CFAP251: variants seen among roughly 807,000 people sequenced by gnomAD.
The protein encoded by CFAP251 is cilia- and flagella-associated protein 251.
Under a neutral mutation model 126.7 loss-of-function variants are expected in CFAP251, and 93 were observed. The ratio of observed to expected loss-of-function variants is 0.73; its 90% CI spans 0.62 to 0.87. CFAP251 has a LOEUF of 0.87. Among genes scored for constraint, CFAP251 ranks in the 40% least tolerant of loss-of-function variants. The pLI is 0.00. For synonymous variants in CFAP251, 503 were observed against 506.9 expected, an observed-to-expected ratio of 0.99 and a Z score of 0.10; for missense variants, 1,287 against 1,389.2, an observed-to-expected ratio of 0.93 and a Z score of 1.17.
At chr12:121,982,956 G>A (rs1342617432) in intron 19 of CFAP251, among the ~76,000 whole-genome samples, 1 of 151,992 alleles carries the variant, frequency 6.6e-6, no homozygotes, top group Non-Finnish European at 1.5e-5. Flanking sequence ...TTAAAAATTG[G>A]GCTAGGCACA....
chr12:121,992,944 G>GCTCTCCCTCTCCCTCTCC (rs1333742324), intron 19 of CFAP251, among the ~76,000 whole-genome samples: 2 of 133,120 alleles, frequency 1.5e-5, no homozygotes, highest in South Asian at 2.4e-4. Context: ...AATCACAAGA[G>GCTCTCCCTCTCCCTCTCC]CTCTCCCTCT....
chr12:121,949,374 C>T (rs1331766575), intron 8 of CFAP251: 1 of 162,980 alleles, frequency 6.1e-6, no homozygotes, highest in African/African-American at 2.4e-5. Flanking sequence ...CTATGTTGCC[C>T]AGGCTGGCCT....
At chr12:121,949,481 G>GTTT (rs35166640) in intron 8 of CFAP251, 45 of 122,980 alleles carry the variant, frequency 3.7e-4, no homozygotes, top group East Asian at 1.4e-3. Flanking sequence ...AATACAGCAG[G>GTTT]TTTTTTTTTT....
intron 19 of CFAP251, among the ~76,000 whole-genome samples, chr12:121,978,360 C>G (rs1289962358): frequency 1.7e-5 from 2 of 117,920 alleles, no homozygotes; most frequent in Admixed American, 9.9e-5. Context: ...TGCCACTGCA[C>G]TCCAGCCTGG....
intron 13 of CFAP251, among the ~76,000 whole-genome samples, 156 bp from the exon 14 acceptor site, chr12:121,960,429 G>C (rs768029376): frequency 6.6e-6 from 1 of 152,112 alleles, no homozygotes; most frequent in African/African-American, 2.4e-5. Flanking sequence ...TATTGGCCAG[G>C]CTGGTCTCAA....
Position 121,946,543 on chromosome 12 carries a change from C to T in CFAP251, c.1192-2441C>T, listed in dbSNP as rs531989754. On this transcript the variant is annotated intron_variant, in intron 7 of 21. Transcript: ENST00000288912. ...ATGTTGTGTGTCTCTCTCCTTGGCC[C>T]CCAGCTGATTTTACAGATTTTTCCC... 7.2e-5 allele frequency among the ~76,000 whole-genome samples: 11 copies of T among 152,212 alleles called. No individual in the cohort carries two copies. In the South Asian group the frequency reaches 2.3e-3, roughly 32 times the overall value.
chr12:122,003,589 C>T, intron 21 of CFAP251, 63 bp from the exon 22 acceptor site: 1 of 1,401,370 alleles, frequency 7.1e-7, no homozygotes, highest in Non-Finnish European at 1.0e-6. Flanking sequence ...CTCCCCTCAC[C>T]CAAAAAAGAA....
rs1450737177 is a variant in CFAP251 at position 121,921,531 on chromosome 12, G to C, written c.226G>C (p.Glu76Gln). Residue 76 changes from glutamate (E) to glutamine (Q), a missense_variant, in exon 2 of 22, where the codon GAA becomes CAA. By Grantham distance (29) the Glu-to-Gln change is conservative. Transcript: ENST00000288912. ...GGAGGACAAAAAGATTGTCATGGAA[G>C]AAACTGAGGAAAAGGCTGGAGAAGT... is the stretch of plus-strand genomic sequence containing the variant. ...GKEDKKIVMEETEEKAGEVQE... is the reference protein window; with the variant it reads ...GKEDKKIVMEQTEEKAGEVQE... The C allele has an allele frequency of 6.2e-7, 1 of 1,606,126 alleles. No individual in the cohort carries two copies. The highest frequency in any genetic ancestry group is 1.1e-5 in the South Asian group (1 of 90,702).
Position 121,921,575 on chromosome 12 carries a change from A to G in CFAP251, c.270A>G (p.Ser90=), listed in dbSNP as rs764951832. Residue 90 remains serine, a synonymous_variant, in exon 2 of 22, where the codon TCA becomes TCG. Coordinates refer to ENST00000288912, the MANE Select transcript of CFAP251 (RefSeq NM_144668.6). ...GAGAAGTCCAAGAGAAGGAGGCTTC[A>G]GGAATACAGGAAGAAACCACAGTAG... ...KAGEVQEKEA[S]GIQEETTVEP... 13 of 1,614,136 alleles carry G rather than the reference A, an allele frequency of 8.1e-6. No individual in the cohort carries two copies. In the South Asian group the frequency reaches 1.4e-4, roughly 18 times the overall value.
At chr12:121,922,177 G>C (rs1259077823) in intron 2 of CFAP251, among the ~76,000 whole-genome samples, 3 of 146,044 alleles carry the variant, frequency 2.1e-5, no homozygotes, top group Non-Finnish European at 4.5e-5. Context: ...GCGTGATCTC[G>C]GCTCACTGCA....
chr12:121,966,125 G>A (rs1253330267), intron 15 of CFAP251, among the ~76,000 whole-genome samples: 1 of 127,940 alleles, frequency 7.8e-6, no homozygotes, highest in Non-Finnish European at 1.7e-5. Flanking sequence ...GAGATTTATG[G>A]AATTTTAAAA....
At chr12:121,954,091 C>T in intron 9 of CFAP251, 29 bp from the exon 10 acceptor site, 1 of 1,566,750 alleles carries the variant, frequency 6.4e-7, no homozygotes, top group East Asian at 2.2e-5. Context: ...TTATTACCAA[C>T]AGTAACTATA....
chr12:122,001,351 C>T, intron 20 of CFAP251, 146 bp from the exon 21 acceptor site: 1 of 725,710 alleles, frequency 1.4e-6, no homozygotes, highest in East Asian at 2.8e-5. Flanking sequence ...CCACCACGCC[C>T]AGCCTAAATT....
chr12:121,957,888 A>C (rs2135781670), intron 11 of CFAP251, among the ~76,000 whole-genome samples: 1 of 152,282 alleles, frequency 6.6e-6, no homozygotes, highest in East Asian at 1.9e-4. Flanking sequence ...GGCACTGGAT[A>C]ATTAATAGCC....
intron 19 of CFAP251, among the ~76,000 whole-genome samples, chr12:121,983,109 C>G (rs896457321): frequency 6.6e-6 from 1 of 152,024 alleles, no homozygotes; most frequent in Non-Finnish European, 1.5e-5. Flanking sequence ...CACTTGTAGT[C>G]CCAGATACTT....
intron 4 of CFAP251, 56 bp downstream of exon 4, chr12:121,931,942 T>C: frequency 7.1e-7 from 1 of 1,405,226 alleles, no homozygotes; most frequent in East Asian, 2.7e-5. Flanking sequence ...GTGCGTGTGG[T>C]ATTTTGTTTT....
At chr12:121,969,931 G>A (rs1235651600) in intron 17 of CFAP251, 1 of 985,288 alleles carries the variant, frequency 1.0e-6, no homozygotes, top group Admixed American at 6.1e-5. Context: ...ATCTGTGGTG[G>A]GGACAAAGGA....
Position 121,958,401 on chromosome 12 carries a change from C to T in CFAP251, c.1860C>T (p.Leu620=). 1 of 1,614,260 alleles carries T rather than the reference C, an allele frequency of 6.2e-7. No individual in the cohort carries two copies. Among genetic ancestry groups the T allele is most frequent in the Non-Finnish European group, 8.5e-7 (1 of 1,180,046 alleles). The change falls in exon 12 of 22, where the codon CTC becomes CTT. Residue 620 remains leucine, a synonymous_variant. Transcript: ENST00000288912. ...TCTCCTGCCACCCATATCAACCCCTCATTGCCATCGGGAGCATCTGTGGGA... is the reference window on the plus strand; with the variant it reads ...TCTCCTGCCACCCATATCAACCCCTTATTGCCATCGGGAGCATCTGTGGGA... ...CAISCHPYQP[L]IAIGSICGMI...
At position 121,967,570 on chromosome 12, in the gene CFAP251, T is replaced by C. The variant is rs372642638; in HGVS notation, c.2608-436T>C. ...ACAAAAAATGAGCCGGGCGTGGTGGTGGGCGCCTGTAGTCCCAGCTACTCA... is the reference window on the plus strand; with the variant it reads ...ACAAAAAATGAGCCGGGCGTGGTGGCGGGCGCCTGTAGTCCCAGCTACTCA... On this transcript the variant is annotated intron_variant, in intron 16 of 21. Coordinates refer to ENST00000288912, the MANE Select transcript of CFAP251 (RefSeq NM_144668.6). Among the ~76,000 whole-genome samples the C allele has an allele frequency of 4.0e-4, 61 of 152,072 alleles. 1 individual carries two copies. Among genetic ancestry groups the C allele is most frequent in the East Asian group, 2.3e-3 (12 of 5,156 alleles).
Sources: allele counts gnomAD v4.1 joint callset (sites outside exome capture counted in the v4.1 genomes callset), GRCh38; gene constraint gnomAD v4.1.1; transcripts MANE v1.5; gene names NCBI Gene and HGNC (gene_info 2026-07-23, HGNC 2026-07-21).